Variants in SUPT3H observed in about 807,000 individuals in gnomAD.
The protein encoded by SUPT3H is SPT3 homolog, SAGA and STAGA complex component, also known as transcription initiation protein SPT3 homolog.
SUPT3H carries 44 observed loss-of-function variants against 44.3 expected under a neutral mutation model. The ratio of observed to expected loss-of-function variants is 0.99; its 90% CI spans 0.78 to 1.28. The LOEUF (loss-of-function observed/expected upper bound fraction) is 1.28. Among genes scored for constraint, SUPT3H ranks in the 50% most tolerant of loss-of-function variants. The pLI is 0.00. For synonymous variants in SUPT3H, 124 were observed against 125.6 expected (o/e 0.99, Z 0.09); for missense variants, 380 against 387.1 (o/e 0.98, Z 0.15).
intron 2 of SUPT3H, among the ~76,000 whole-genome samples, chr6:45,135,292 T>C (rs1176778649): frequency 6.6e-6 from 1 of 152,138 alleles, no homozygotes; most frequent in Non-Finnish European, 1.5e-5. Context: ...CCCTTCTATA[T>C]ACAGTAATCT....
chr6:45,311,707 C>T (rs539096856), intron 2 of SUPT3H, among the ~76,000 whole-genome samples: 26 of 152,126 alleles, frequency 1.7e-4, no homozygotes, highest in African/African-American at 5.5e-4. Flanking sequence ...TTGTATCCAG[C>T]GAAACTAAAC....
At chr6:44,886,285 C>T (rs1039343639) in intron 10 of SUPT3H, among the ~76,000 whole-genome samples, 5 of 151,772 alleles carry the variant, frequency 3.3e-5, no homozygotes, top group African/African-American at 9.7e-5. Context: ...AGATACTCCT[C>T]GAGAAGAGCA....
chr6:44,998,676 G>A (rs2153503209), intron 6 of SUPT3H, among the ~76,000 whole-genome samples: 1 of 151,866 alleles, frequency 6.6e-6, no homozygotes, highest in Middle Eastern at 3.4e-3. Context: ...TTATTTAGAG[G>A]TGACACAGAT....
intron 3 of SUPT3H, among the ~76,000 whole-genome samples, chr6:45,029,098 G>A (rs1197140610): frequency 2.0e-5 from 3 of 151,374 alleles, no homozygotes; most frequent in African/African-American, 4.8e-5. Flanking sequence ...CCATATAATC[G>A]TATTATTCTT....
At chr6:44,880,577 A>G (rs575081866) in intron 10 of SUPT3H, among the ~76,000 whole-genome samples, 6 of 152,328 alleles carry the variant, frequency 3.9e-5, no homozygotes, top group African/African-American at 1.4e-4. Flanking sequence ...AATACAGAGA[A>G]CACCACAAAG....
At chr6:45,328,314 A>C in intron 2 of SUPT3H, 1 of 1,369,640 alleles carries the variant, frequency 7.3e-7, no homozygotes, top group Non-Finnish European at 9.8e-7. Context: ...GCTTTTTTGG[A>C]TTGTGTGAAT....
chr6:45,227,752 C>T (rs936065090), intron 2 of SUPT3H, among the ~76,000 whole-genome samples: 2 of 151,968 alleles, frequency 1.3e-5, no homozygotes, highest in African/African-American at 4.8e-5. Context: ...AGAAAAGGTC[C>T]AAAACACAGG....
At chr6:45,201,633 T>A (rs1047415299) in intron 2 of SUPT3H, among the ~76,000 whole-genome samples, 1 of 151,852 alleles carries the variant, frequency 6.6e-6, no homozygotes, top group Admixed American at 6.6e-5. Flanking sequence ...TTATAGTAAA[T>A]GTACTTCACA....
chr6:45,342,001 T>TA (rs888739840), intron 2 of SUPT3H, among the ~76,000 whole-genome samples: 20 of 149,656 alleles, frequency 1.3e-4, no homozygotes, highest in Admixed American at 4.7e-4. Flanking sequence ...AACCTAGCAT[T>TA]AAAAAAAAAC....
At chr6:45,118,855 A>G (rs1326464639) in intron 2 of SUPT3H, among the ~76,000 whole-genome samples, 3 of 152,190 alleles carry the variant, frequency 2.0e-5, no homozygotes, top group Admixed American at 1.3e-4. Flanking sequence ...TTCTTTGGCC[A>G]ATGGGATATT....
intron 6 of SUPT3H, among the ~76,000 whole-genome samples, chr6:44,972,825 T>G (rs1777783656): frequency 1.3e-5 from 2 of 152,044 alleles, no homozygotes; most frequent in African/African-American, 4.8e-5. Context: ...CACAACTCTT[T>G]TAGCCATGCT....
chr6:45,160,484 C>T (rs939962929), intron 2 of SUPT3H, among the ~76,000 whole-genome samples: 3 of 152,100 alleles, frequency 2.0e-5, no homozygotes, highest in African/African-American at 7.2e-5. Context: ...ATGAGCACGA[C>T]ACACACAGAT....
intron 2 of SUPT3H, among the ~76,000 whole-genome samples, chr6:45,217,883 C>G (rs1378193378): frequency 7.0e-6 from 1 of 142,340 alleles, no homozygotes; most frequent in African/African-American, 2.7e-5. Flanking sequence ...GAGCAAGACT[C>G]TGTCTCAAAA....
chr6:45,296,329 C>T (rs958688364), intron 2 of SUPT3H, among the ~76,000 whole-genome samples: 2 of 151,730 alleles, frequency 1.3e-5, no homozygotes, highest in African/African-American at 4.8e-5. Flanking sequence ...AACCAAACAT[C>T]GTTATTTTCT....
At chr6:45,259,128 G>T (rs909280181) in intron 2 of SUPT3H, among the ~76,000 whole-genome samples, 2 of 152,028 alleles carry the variant, frequency 1.3e-5, no homozygotes, top group African/African-American at 2.4e-5. Flanking sequence ...AAATGATGCA[G>T]TACACTTTAG....
chr6:44,987,254 G>A (rs1234194643), intron 6 of SUPT3H, among the ~76,000 whole-genome samples: 1 of 138,314 alleles, frequency 7.2e-6, no homozygotes, highest in Admixed American at 7.7e-5. Context: ...CCATCACACT[G>A]GGCATTGGGA....
chr6:45,094,063 C>A (rs1797479662), intron 3 of SUPT3H, among the ~76,000 whole-genome samples: 1 of 152,098 alleles, frequency 6.6e-6, no homozygotes, highest in Admixed American at 6.5e-5. Context: ...CTCTGCCTAT[C>A]TCTATTAAGA....
chr6:45,176,180 G>T (rs1238040111), intron 2 of SUPT3H, among the ~76,000 whole-genome samples: 1 of 151,852 alleles, frequency 6.6e-6, no homozygotes, highest in African/African-American at 2.4e-5. Flanking sequence ...CATCTCACTA[G>T]GGAGTGCCAG....
chr6:44,930,241 C>T (rs750593864), intron 10 of SUPT3H, among the ~76,000 whole-genome samples: 9 of 151,946 alleles, frequency 5.9e-5, no homozygotes, highest in Non-Finnish European at 1.0e-4. Context: ...ATTAGCCAGG[C>T]GTGATGGCGG....
Sources: allele counts gnomAD v4.1 joint callset (sites outside exome capture counted in the v4.1 genomes callset), GRCh38; gene constraint gnomAD v4.1.1; transcripts MANE v1.5; gene names NCBI Gene and HGNC (gene_info 2026-07-23, HGNC 2026-07-21).